Variants in OR3A2 observed in about 807,000 individuals in gnomAD.
OR3A2 encodes olfactory receptor 3A2.
For synonymous variants in OR3A2, 126 were observed against 159.3 expected (o/e 0.79, Z 1.57); for missense variants, 318 against 392.8 (o/e 0.81, Z 1.61).
intron 3 of OR3A2, among the ~76,000 whole-genome samples, chr17:3,321,565 A>G (rs1302756426): frequency 6.6e-6 from 1 of 152,102 alleles, no homozygotes; most frequent in Non-Finnish European, 1.5e-5. Context: ...TCAATACCTA[A>G]TTTATTGAGA....
intron 3 of OR3A2, among the ~76,000 whole-genome samples, chr17:3,319,571 C>T (rs1041734822): frequency 1.8e-4 from 28 of 151,984 alleles, no homozygotes; most frequent in Non-Finnish European, 2.8e-4. Flanking sequence ...GTTCCCCTTC[C>T]GGGTCCATGT....
At chr17:3,287,062 T>C (rs1449355483), upstream of OR3A2, among the ~76,000 whole-genome samples, 2 of 152,196 alleles carry the variant, frequency 1.3e-5, no homozygotes. Context: ...TACATTTAAG[T>C]CTTTAATCCA....
intron 3 of OR3A2, chr17:3,310,129 T>C: frequency 2.9e-6 from 1 of 345,682 alleles, no homozygotes; most frequent in Non-Finnish European, 5.7e-6. Flanking sequence ...ATCAAGTCTT[T>C]TCATACTACA....
At chr17:3,361,634 G>A (rs2049517657) in intron 2 of OR3A2, among the ~76,000 whole-genome samples, 1 of 151,646 alleles carries the variant, frequency 6.6e-6, no homozygotes, top group South Asian at 2.1e-4. Context: ...AAAGGTTGTT[G>A]AATTTTGTCA....
At chr17:3,292,370 C>A in intron 3 of OR3A2, 1 of 1,614,124 alleles carries the variant, frequency 6.2e-7, no homozygotes, top group Non-Finnish European at 8.5e-7. Flanking sequence ...CAACATCCAG[C>A]ACTGATAGGT....
At chr17:3,300,116 T>A (rs1413362364) in intron 3 of OR3A2, among the ~76,000 whole-genome samples, 1 of 151,830 alleles carries the variant, frequency 6.6e-6, no homozygotes, top group African/African-American at 2.4e-5. Context: ...ACAACTTTTC[T>A]ATAAGACTTT....
At chr17:3,358,725 A>C (rs2049483358) in intron 2 of OR3A2, among the ~76,000 whole-genome samples, 2 of 151,742 alleles carry the variant, frequency 1.3e-5, no homozygotes, top group South Asian at 4.1e-4. Context: ...AGTATGTGCC[A>C]TGTGGCAACA....
chr17:3,315,785 A>G (rs1221393369), intron 3 of OR3A2, among the ~76,000 whole-genome samples: 3 of 125,528 alleles, frequency 2.4e-5, no homozygotes, highest in Non-Finnish European at 5.0e-5. Flanking sequence ...GAGTAGTAAG[A>G]TGAGTCTACT....
Position 3,355,062 on chromosome 17 carries a change from T to C in OR3A2, c.-178-18936A>G, listed in dbSNP as rs142605391. On this transcript the variant is annotated intron_variant, in intron 2 of 4. Transcript: ENST00000573491. The stretch of plus-strand genomic sequence containing the variant: ...TGTAATGTCTAATGTGTTCATATAG[T>C]TCCAAAATTATTCTTATTATAGTTC... 4.5e-3 allele frequency among the ~76,000 whole-genome samples: 685 copies of C among 151,592 alleles called. 35 individuals carry two copies. The highest frequency in any genetic ancestry group is 0.015 in the African/African-American group (635 of 41,120).
At chr17:3,283,897 A>G (rs1567541329) in intron 1 of OR3A2, among the ~76,000 whole-genome samples, 1 of 142,730 alleles carries the variant, frequency 7.0e-6, no homozygotes, top group Non-Finnish European at 1.5e-5. Context: ...GGATTCTGGG[A>G]TGACCTCAGG....
intron 3 of OR3A2, among the ~76,000 whole-genome samples, chr17:3,306,446 C>G (rs1361430962): frequency 2.0e-5 from 3 of 152,000 alleles, no homozygotes; most frequent in African/African-American, 7.3e-5. Flanking sequence ...TCCAGCCACC[C>G]CCATTTTGAT....
At chr17:3,349,540 G>T (rs1013273248) in intron 2 of OR3A2, among the ~76,000 whole-genome samples, 1 of 152,108 alleles carries the variant, frequency 6.6e-6, no homozygotes, top group East Asian at 1.9e-4. Context: ...AGCAAGTCCT[G>T]AGTGATCTAC....
At chr17:3,346,734 G>A (rs1196889219) in intron 2 of OR3A2, among the ~76,000 whole-genome samples, 1 of 151,536 alleles carries the variant, frequency 6.6e-6, no homozygotes. Context: ...TACTCACTAT[G>A]GTTATGAGGT....
exon 2 of OR3A2, chr17:3,278,184 C>G: frequency 6.2e-7 from 1 of 1,614,204 alleles, no homozygotes; most frequent in Non-Finnish European, 8.5e-7. Context: ...GAGGTGGGAG[C>G]CACACGTGGA....
chr17:3,352,337 G>C (rs556149336), intron 2 of OR3A2, among the ~76,000 whole-genome samples: 1 of 151,850 alleles, frequency 6.6e-6, no homozygotes, highest in East Asian at 1.9e-4. Context: ...ACAGACCAAT[G>C]TCCTGAAGAG....
In OR3A2 at chr17:3,326,021, A is replaced by G. The variant is rs140863438; in HGVS notation, c.-85+10012T>C. Among the ~76,000 whole-genome samples the G allele has an allele frequency of 1.6e-3, 239 of 152,166 alleles. 6 individuals are homozygous for G. In the East Asian group the frequency reaches 0.035, roughly 22 times the overall value. On this transcript the variant is annotated intron_variant, in intron 3 of 4. Transcript: ENST00000573491. ...TGCTCTCATAGTTCATCTCCCGCTTATAAGTGAGAACATGAGGTGTTTGGT... is the reference window on the plus strand; with the variant it reads ...TGCTCTCATAGTTCATCTCCCGCTTGTAAGTGAGAACATGAGGTGTTTGGT...
rs945177766 is a variant in OR3A2, at chr17:3,314,624, C to A, written c.-85+21409G>T. Among the ~76,000 whole-genome samples the A allele has an allele frequency of 7.2e-5, 11 of 152,194 alleles. No individual in the cohort carries two copies. The East Asian group carries it at 1.9e-3, about 27-fold the overall frequency. On this transcript the variant is annotated intron_variant, in intron 3 of 4. Coordinates refer to the OR3A2 transcript ENST00000573491. ...GGGGAATGACTTTCGGTTTTTACTC[C>A]ATTTACTCTGGTATTATTCAAAGTT... is the stretch of plus-strand genomic sequence containing the variant.
In OR3A2 at chr17:3,311,115, G is replaced by T. The variant is rs772378487; in HGVS notation, c.-85+24918C>A. On this transcript the variant is annotated intron_variant, in intron 3 of 4. Coordinates refer to the OR3A2 transcript ENST00000573491. This position sits in a 1 kb window ranked among gnomAD's most constrained non-coding sequence, Gnocchi z 4.6. ...CAGCTACACAAGGCTGGGTTCAGTG[G>T]AGTCTTCGGACAAGGACAAGGGCAT... 1.8e-6 allele frequency: 1 copy of T among 541,898 alleles called. No homozygotes were observed. The highest frequency in any genetic ancestry group is 1.4e-5 in the South Asian group (1 of 72,360). 33.6% of individuals were successfully genotyped at this position (541,898 alleles called of 1,614,324 possible).
chr17:3,279,808 A>G (rs926355675), intron 1 of OR3A2, among the ~76,000 whole-genome samples: 89 of 152,054 alleles, frequency 5.9e-4, no homozygotes, highest in Admixed American at 5.8e-3. Flanking sequence ...AAACAAAACA[A>G]AACAAAAACA....
Sources: allele counts gnomAD v4.1 joint callset (sites outside exome capture counted in the v4.1 genomes callset), GRCh38; gene constraint gnomAD v4.1.1; non-coding constraint Gnocchi (gnomAD v3.1); transcripts MANE v1.5; gene names NCBI Gene and HGNC (gene_info 2026-07-23, HGNC 2026-07-21).